The following METTL25 variants were observed in gnomAD, a reference collection of about 807,000 sequenced individuals.
The protein encoded by METTL25 is probable methyltransferase-like protein 25.
In METTL25, 64 loss-of-function variants were observed where a neutral mutation model predicts 71.6. That is an observed-to-expected ratio of 0.89 (90% CI 0.73 to 1.10). METTL25 has a LOEUF of 1.10. Ranked by LOEUF, METTL25 falls within the 50% of genes least tolerant of loss-of-function variation. METTL25 has a pLI of 0.00. For synonymous variants in METTL25, 287 were observed against 250.3 expected (o/e 1.15, Z -1.38); for missense variants, 807 against 707.0 (o/e 1.14, Z -1.60).
chr12:82,458,971 A>G (rs1045154306), intron 9 of METTL25, among the ~76,000 whole-genome samples: 2 of 152,176 alleles, frequency 1.3e-5, no homozygotes, highest in African/African-American at 4.8e-5. Flanking sequence ...CTGAGACATA[A>G]TTATAGGACT....
intron 1 of METTL25, among the ~76,000 whole-genome samples, chr12:82,372,221 G>C (rs1394706736): frequency 6.6e-6 from 1 of 152,136 alleles, no homozygotes; most frequent in African/African-American, 2.4e-5. Flanking sequence ...GCCTTGATCT[G>C]CTTTAAATCA....
intron 1 of METTL25, among the ~76,000 whole-genome samples, chr12:82,362,047 C>T (rs562877722): frequency 1.3e-5 from 2 of 152,214 alleles, no homozygotes; most frequent in Non-Finnish European, 2.9e-5. Context: ...TTTGGAAAAG[C>T]ACACTAACAG....
chr12:82,476,203 A>C (rs1221147161), intron 9 of METTL25: 1 of 153,990 alleles, frequency 6.5e-6, no homozygotes, highest in East Asian at 1.9e-4. Context: ...TGTGAAGTGC[A>C]TGTTAGAAGA....
At chr12:82,439,654 C>T (rs943149253) in intron 8 of METTL25, among the ~76,000 whole-genome samples, 4 of 151,782 alleles carry the variant, frequency 2.6e-5, no homozygotes, top group Non-Finnish European at 5.9e-5. Context: ...ATGTAGATAA[C>T]TCCCAAATCT....
Position 82,399,307 on chromosome 12 carries a change from A to G in METTL25, c.1044A>G (p.Ser348=). 6.2e-7 allele frequency: 1 copy of G among 1,613,158 alleles called. No individual in the cohort carries two copies. ...ATAAAGAGAGAAGAAAAATGACATCAAAGTCAAGTGAATCAAATATATATT... is the reference window on the plus strand; with the variant it reads ...ATAAAGAGAGAAGAAAAATGACATCGAAGTCAAGTGAATCAAATATATATT... The part of the protein sequence containing the change: ...EANKERRKMT[S]KSSESNIYSP... The change falls in exon 4 of 12, where the codon TCA becomes TCG. Residue 348 remains serine, a synonymous_variant. Transcript: ENST00000248306.
chr12:82,453,719 A>G (rs995061835), intron 8 of METTL25, among the ~76,000 whole-genome samples: 1 of 152,154 alleles, frequency 6.6e-6, no homozygotes, highest in African/African-American at 2.4e-5. Flanking sequence ...CTATATGCTT[A>G]TCTATTATAC....
chr12:82,397,648 T>C (rs748090613), intron 3 of METTL25, among the ~76,000 whole-genome samples: 32 of 152,050 alleles, frequency 2.1e-4, no homozygotes, highest in Non-Finnish European at 4.0e-4. Flanking sequence ...TTTTTTTCTT[T>C]TTTTTATATC....
chr12:82,421,952 G>A (rs530074576), intron 5 of METTL25, among the ~76,000 whole-genome samples: 3 of 152,214 alleles, frequency 2.0e-5, no homozygotes, highest in South Asian at 4.1e-4. Flanking sequence ...ATTCACAGCC[G>A]AATTCTACCA....
chr12:82,390,274 G>C (rs1478724138), intron 3 of METTL25, among the ~76,000 whole-genome samples: 1 of 152,022 alleles, frequency 6.6e-6, no homozygotes, highest in East Asian at 1.9e-4. Context: ...TTTGCTGCTA[G>C]ATGTTTTCAG....
intron 1 of METTL25, among the ~76,000 whole-genome samples, chr12:82,361,890 C>T (rs1881977607): frequency 6.6e-6 from 1 of 152,228 alleles, no homozygotes; most frequent in African/African-American, 2.4e-5. Context: ...GGCTGAAGGA[C>T]TCCTCAAGCG....
chr12:82,379,955 T>G (rs1056785665), intron 1 of METTL25, among the ~76,000 whole-genome samples: 6 of 152,182 alleles, frequency 3.9e-5, no homozygotes, highest in Non-Finnish European at 7.3e-5. Context: ...CATATTGATC[T>G]TTCAGTTTCT....
intron 11 of METTL25, among the ~76,000 whole-genome samples, chr12:82,477,959 T>A (rs1034745584): frequency 1.3e-5 from 2 of 151,888 alleles, no homozygotes; most frequent in African/African-American, 2.4e-5. Flanking sequence ...CGCTATAAAC[T>A]CTTTAACAGT....
rs532173417 is a variant in METTL25 at position 82,448,402 on chromosome 12, T to C, written c.1479-8325T>C. Among the ~76,000 whole-genome samples, 79 of 152,082 alleles carry C rather than the reference T, an allele frequency of 5.2e-4. 1 individual carries two copies. Among genetic ancestry groups the C allele is most frequent in the African/African-American group, 1.7e-3 (72 of 41,556 alleles). ...AAACTCAATAATTTATGGAAATTTA[T>C]TTACAATTAGTACTTATCTATAATA... is the stretch of plus-strand genomic sequence containing the variant. On this transcript the variant is annotated intron_variant, in intron 8 of 11. Coordinates refer to ENST00000248306, the MANE Select transcript of METTL25 (RefSeq NM_032230.3).
At chr12:82,440,624 T>C (rs1819049672) in intron 8 of METTL25, among the ~76,000 whole-genome samples, 1 of 152,026 alleles carries the variant, frequency 6.6e-6, no homozygotes, top group Non-Finnish European at 1.5e-5. Context: ...CTGGGGATTC[T>C]GGATGCATAG....
At chr12:82,403,924 T>G (rs1886858328) in intron 5 of METTL25, among the ~76,000 whole-genome samples, 2 of 152,144 alleles carry the variant, frequency 1.3e-5, no homozygotes, top group Admixed American at 1.3e-4. Flanking sequence ...AGATCGGGAA[T>G]TTTTAGGTTA....
intron 8 of METTL25, among the ~76,000 whole-genome samples, chr12:82,454,978 T>A (rs115137454): frequency 6.6e-6 from 1 of 151,880 alleles, no homozygotes; most frequent in Non-Finnish European, 1.5e-5. Context: ...ATGCTATTGA[T>A]ATCCTCTTTT....
Position 82,387,715 on chromosome 12 carries a change from G to GCGCACA in METTL25, c.424+749_424+750insGCACAC, listed in dbSNP as rs1555204987. 1.6e-3 allele frequency among the ~76,000 whole-genome samples: 236 copies of GCGCACA among 150,672 alleles called. 1 individual carries two copies. Among genetic ancestry groups the GCGCACA allele is most frequent in the African/African-American group, 4.5e-3 (187 of 41,116 alleles). On this transcript the variant is annotated intron_variant, in intron 2 of 11. Coordinates refer to ENST00000248306, the MANE Select transcript of METTL25 (RefSeq NM_032230.3). ...GTAGTTCTCTTCTACACACACACGCGCACACACACACACACACTCTTTTTC... is the reference window on the plus strand; with the variant it reads ...GTAGTTCTCTTCTACACACACACGCGCGCACACACACACACACACACACTCTTTTTC...
At chr12:82,406,536 A>G (rs1285497179) in intron 5 of METTL25, among the ~76,000 whole-genome samples, 4 of 152,126 alleles carry the variant, frequency 2.6e-5, no homozygotes, top group Non-Finnish European at 4.4e-5. Context: ...GGTGTTTAAT[A>G]TATTGTATTT....
intron 3 of METTL25, among the ~76,000 whole-genome samples, chr12:82,396,256 A>G (rs545926951): frequency 6.6e-6 from 1 of 152,226 alleles, no homozygotes; most frequent in South Asian, 2.1e-4. Flanking sequence ...ATGACTGTAT[A>G]TAATTCTTCT....
Sources: gnomAD v4.1 joint callset for allele counts (sites outside exome capture counted in the v4.1 genomes callset) on GRCh38, gnomAD v4.1.1 for gene constraint, MANE v1.5 for transcripts, NCBI Gene and HGNC (gene_info 2026-07-23, HGNC 2026-07-21) for gene names.